The following CYP2F1 variants were observed in gnomAD, a reference collection of about 807,000 sequenced individuals.
The protein encoded by CYP2F1 is cytochrome P450 2F1.
Under a neutral mutation model 40.4 loss-of-function variants are expected in CYP2F1, and 33 were observed. The ratio of observed to expected loss-of-function variants is 0.82; its 90% CI spans 0.62 to 1.09. The LOEUF is 1.09. CYP2F1 is among the 50% of genes least tolerant of loss of function. The pLI is 0.00. For synonymous variants in CYP2F1, 235 were observed against 277.2 expected, an observed-to-expected ratio of 0.85 and a Z score of 1.51; for missense variants, 566 against 655.7, an observed-to-expected ratio of 0.86 and a Z score of 1.49.
intron 3 of CYP2F1, among the ~76,000 whole-genome samples, chr19:41,119,768 C>T (rs2032071049): frequency 7.5e-6 from 1 of 133,210 alleles, no homozygotes; most frequent in Admixed American, 8.0e-5. Context: ...CACACACACA[C>T]ACACACACAC....
Position 41,116,255 on chromosome 19 carries a change from A to C in CYP2F1, c.67A>C (p.Ser23Arg). The C allele has an allele frequency of 1.2e-6, 2 of 1,614,072 alleles. No individual in the cohort carries two copies. Among genetic ancestry groups the C allele is most frequent in the Non-Finnish European group, 1.7e-6 (2 of 1,179,996 alleles). Residue 23 changes from serine to arginine, a missense_variant, in exon 2 of 10, where the codon AGC (serine) becomes CGC (arginine). Ser to Arg is a moderately radical substitution (Grantham distance 110). Around this residue, in one of 5 missense-constraint regions of CYP2F1, gnomAD observed 264 missense variants for 275.7 expected, o/e 0.96. Transcript: ENST00000331105. ...TCTCGTCTGTCTGCTCCTGACCCTA[A>C]GCTCAAGAGATAAGGGAAAGCTGCC... ...LALVCLLLTLSSRDKGKLPPG... is the reference protein window; with the variant it reads ...LALVCLLLTLRSRDKGKLPPG...
intron 8 of CYP2F1, 198 bp from the exon 9 acceptor site, chr19:41,125,295 C>T: frequency 1.7e-6 from 1 of 604,480 alleles, no homozygotes; most frequent in East Asian, 2.8e-5. Context: ...CCAAAGTCCC[C>T]AATAATACAG....
chr19:41,120,196 T>C, intron 3 of CYP2F1, 151 bp from the exon 4 acceptor site: 1 of 642,308 alleles, frequency 1.6e-6, no homozygotes. Context: ...AGGAGACCCC[T>C]AAGCTGGAGG....
intron 5 of CYP2F1, 39 bp downstream of exon 5, chr19:41,121,657 C>T (rs2032212455): frequency 6.4e-7 from 1 of 1,563,296 alleles, no homozygotes; most frequent in South Asian, 1.1e-5. Flanking sequence ...GGTGTGGGGT[C>T]CGCAGGATCT....
At chr19:41,124,245 T>TTCCCCCCC (rs374387876) in intron 7 of CYP2F1, among the ~76,000 whole-genome samples, 1 of 29,824 alleles carries the variant, frequency 3.4e-5, no homozygotes, top group African/African-American at 1.7e-4. Context: ...TTTTTCCTCT[T>TTCCCCCCC]CCCCCCCCCC....
At chr19:41,125,682 C>T (rs1201912762) in intron 9 of CYP2F1, 48 bp downstream of exon 9, 2 of 1,613,966 alleles carry the variant, frequency 1.2e-6, no homozygotes, top group African/African-American at 1.3e-5. Flanking sequence ...TACCTACATT[C>T]CTCACCCTAA....
chr19:41,118,103 C>T (rs2031931227), intron 3 of CYP2F1, among the ~76,000 whole-genome samples: 1 of 152,038 alleles, frequency 6.6e-6, no homozygotes, highest in Non-Finnish European at 1.5e-5. Flanking sequence ...CAGCCTCAGA[C>T]TCCCAAAGTG....
chr19:41,125,499 G>T lies in CYP2F1; in HGVS notation c.1159G>T (p.Asp387Tyr). The T allele has an allele frequency of 2.0e-6, 3 of 1,504,550 alleles. No individual in the cohort carries two copies. Among genetic ancestry groups the T allele is most frequent in the Non-Finnish European group, 2.7e-6 (3 of 1,093,942 alleles). The allele number at this position is 1,504,550 out of a possible 1,614,324, so 93.2% of individuals were successfully genotyped here. A position where few individuals can be genotyped will look rare whatever the true frequency, so the allele number is the denominator to read the frequency against. The change falls in exon 9 of 10, where the codon GAT (aspartate) becomes TAT (tyrosine). Residue 387 changes from aspartate to tyrosine, a missense_variant. Physicochemically the swap from Asp to Tyr is radical, Grantham distance 160. Around this residue, in one of 5 missense-constraint regions of CYP2F1, gnomAD observed 27 missense variants for 68.4 expected, o/e 0.39. Transcript: ENST00000331105. Reference sequence around the variant, plus strand: ...CACCTCCTCACCCACACAGGGCACCGATGTCATCACCCTCCTTAACACCGT... The same window carrying T: ...CACCTCCTCACCCACACAGGGCACCTATGTCATCACCCTCCTTAACACCGT... ...FRGFLIPKGT[D>Y]VITLLNTVHY...
chr19:41,123,740 T>TC (rs933844800), intron 7 of CYP2F1, among the ~76,000 whole-genome samples: 9 of 152,014 alleles, frequency 5.9e-5, no homozygotes, highest in African/African-American at 2.2e-4. Context: ...CCCTGGCTGG[T>TC]CCCCAACTCC....
chr19:41,124,555 G>A (rs1371511661), intron 7 of CYP2F1, among the ~76,000 whole-genome samples, 164 bp from the exon 8 acceptor site: 1 of 152,096 alleles, frequency 6.6e-6, no homozygotes, highest in Non-Finnish European at 1.5e-5. Flanking sequence ...GAGCCACCGC[G>A]CCCGGCCAGC....
chr19:41,125,082 C>T, intron 8 of CYP2F1, 176 bp downstream of exon 8: 4 of 607,634 alleles, frequency 6.6e-6, no homozygotes, highest in Non-Finnish European at 1.1e-5. Flanking sequence ...CAGGCCTTTG[C>T]CAGGACCCCA....
In CYP2F1 at chr19:41,119,748, T is replaced by TACACACAC. The variant is rs147688839; in HGVS notation, c.335-569_335-562dup. On this transcript the variant is annotated intron_variant, in intron 3 of 9. Transcript: ENST00000331105. ...CTATATATATATATATATATATATA[T>TACACACAC]ACACACACACACACACACACACACA... Among the ~76,000 whole-genome samples the TACACACAC allele has an allele frequency of 2.0e-3, 72 of 36,088 alleles. 1 individual carries two copies. The highest frequency in any genetic ancestry group is 4.0e-3 in the Admixed American group (9 of 2,254). The allele number at this position is 36,088 out of a possible 152,430, so 23.7% of individuals were successfully genotyped here.
At chr19:41,119,723 C>CTCTCTCTCTATATATATA (rs1478574507) in intron 3 of CYP2F1, among the ~76,000 whole-genome samples, 3 of 35,820 alleles carry the variant, frequency 8.4e-5, no homozygotes, top group Non-Finnish European at 1.6e-4. Context: ...CTCTCTCTCT[C>CTCTCTCTCTATATATATA]TATATATATA....
At chr19:41,120,296 T>C (rs375456525) in intron 3 of CYP2F1, 51 bp from the exon 4 acceptor site, 4 of 1,527,096 alleles carry the variant, frequency 2.6e-6, no homozygotes, top group African/African-American at 1.4e-5. Context: ...TGGGTGGCAG[T>C]GGCCTCAGGA....
chr19:41,124,641 C>G (rs1046050915), intron 7 of CYP2F1, 78 bp from the exon 8 acceptor site: 2 of 1,335,418 alleles, frequency 1.5e-6, no homozygotes, highest in Non-Finnish European at 2.1e-6. Context: ...TCCCCACACA[C>G]GCACACACCT....
chr19:41,122,445 A>G (rs1175921133), intron 6 of CYP2F1, among the ~76,000 whole-genome samples: 1 of 152,098 alleles, frequency 6.6e-6, no homozygotes, highest in Non-Finnish European at 1.5e-5. Flanking sequence ...CAGCCTGGAC[A>G]ATATAGTAAG....
At chr19:41,127,482 T>C (rs1472458982) in intron 9 of CYP2F1, among the ~76,000 whole-genome samples, 1 of 152,180 alleles carries the variant, frequency 6.6e-6, no homozygotes, top group Non-Finnish European at 1.5e-5. Context: ...ACTGCAGGCA[T>C]GTGCCACCTT....
chr19:41,126,662 G>A (rs927605956), intron 9 of CYP2F1, among the ~76,000 whole-genome samples: 14 of 151,938 alleles, frequency 9.2e-5, no homozygotes, highest in Admixed American at 2.0e-4. Context: ...GCTGAGGTGG[G>A]ATGATCACTT....
intron 1 of CYP2F1, among the ~76,000 whole-genome samples, chr19:41,115,503 G>C (rs1183321168): frequency 6.6e-6 from 1 of 151,924 alleles, no homozygotes; most frequent in African/African-American, 2.4e-5. Context: ...CTTTATCACT[G>C]TCTCTGTATG....
Sources: allele counts gnomAD v4.1 joint callset (sites outside exome capture counted in the v4.1 genomes callset), GRCh38; gene constraint gnomAD v4.1.1; regional missense constraint gnomAD v4.1.1; transcripts MANE v1.5; gene names NCBI Gene and HGNC (gene_info 2026-07-23, HGNC 2026-07-21).